The following AP4S1 variants were observed in gnomAD, a reference collection of about 807,000 sequenced individuals.
The protein encoded by AP4S1 is adaptor related protein complex 4 subunit sigma 1.
In AP4S1, 23 loss-of-function variants were observed where a neutral mutation model predicts 19.8. The observed-to-expected ratio is 1.16, with a 90% confidence interval of 0.84 to 1.65. The LOEUF is 1.65. Ranked by LOEUF, AP4S1 falls within the 40% of genes most tolerant of loss-of-function variation. The pLI is 0.00. For synonymous variants in AP4S1, 46 were observed against 54.1 expected, an observed-to-expected ratio of 0.85 and a Z score of 0.66; for missense variants, 166 against 172.8, an observed-to-expected ratio of 0.96 and a Z score of 0.22.
intron 2 of AP4S1, among the ~76,000 whole-genome samples, chr14:31,068,078 G>A (rs189079244): frequency 6.6e-4 from 101 of 152,020 alleles, no homozygotes; most frequent in Middle Eastern, 3.4e-3. Flanking sequence ...ATGTTGGTCA[G>A]GCTGGTCTTG....
chr14:31,057,393 AAG>A (rs1158398041), intron 1 of AP4S1, among the ~76,000 whole-genome samples: 2 of 152,198 alleles, frequency 1.3e-5, no homozygotes, highest in East Asian at 3.8e-4. Flanking sequence ...GTTGACACCC[AAG>A]TTGAAACCCA....
At chr14:31,042,161 C>G (rs1011172912) in intron 1 of AP4S1, among the ~76,000 whole-genome samples, 2 of 152,086 alleles carry the variant, frequency 1.3e-5, no homozygotes, top group South Asian at 2.1e-4. Flanking sequence ...AATAAATTAC[C>G]CTTGGCACTA....
rs762381475 is a variant in AP4S1 at position 31,093,081 on chromosome 14, AC to A, written c.*48del. On this transcript the variant is annotated 3_prime_UTR_variant, in exon 6 of 6. Coordinates refer to ENST00000542754, the MANE Select transcript of AP4S1 (RefSeq NM_001128126.3). ...ATATGGATTTATCAGAAATGCGAGT[AC>A]CGTGGAATACATCTCAACATGTTAA... 30 of 1,527,250 alleles carry A rather than the reference AC, an allele frequency of 2.0e-5. No individual in the cohort carries two copies. The Admixed American group carries it at 5.2e-4, about 26-fold the overall frequency. 94.6% of individuals were successfully genotyped at this position (1,527,250 alleles called of 1,614,324 possible). A position where few individuals can be genotyped will look rare whatever the true frequency, so the allele number is the denominator to read the frequency against.
At chr14:31,043,034 G>C (rs572547270) in intron 1 of AP4S1, among the ~76,000 whole-genome samples, 22 of 152,082 alleles carry the variant, frequency 1.4e-4, no homozygotes, top group Admixed American at 2.6e-4. Flanking sequence ...CAGCCTGGCC[G>C]ACATGGTGAA....
chr14:31,053,196 C>G (rs1885904522), intron 1 of AP4S1, among the ~76,000 whole-genome samples: 1 of 152,160 alleles, frequency 6.6e-6, no homozygotes, highest in South Asian at 2.1e-4. Context: ...CCACTTCAGC[C>G]TCCCAAAGTG....
intron 1 of AP4S1, among the ~76,000 whole-genome samples, chr14:31,029,053 C>A (rs1884226794): frequency 6.6e-6 from 1 of 152,178 alleles, no homozygotes; most frequent in Non-Finnish European, 1.5e-5. Flanking sequence ...AACAAAATCT[C>A]TACTTCTATT....
intron 2 of AP4S1, 102 bp downstream of exon 2, chr14:31,066,436 C>T: frequency 1.4e-6 from 2 of 1,425,870 alleles, no homozygotes; most frequent in Non-Finnish European, 2.0e-6. Context: ...AGCTATATTC[C>T]TTCAACAGCT....
At chr14:31,075,617 TTTGTGTGACTGGCTTCTTTCA>T (rs938021052) in intron 4 of AP4S1, among the ~76,000 whole-genome samples, 3 of 152,222 alleles carry the variant, frequency 2.0e-5, no homozygotes, top group African/African-American at 7.2e-5. Context: ...ACATGTGATT[TTTGTGTGACTGGCTTCTTTCA>T]TTGAGTGTAG....
At chr14:31,062,742 C>T (rs911325098) in intron 1 of AP4S1, among the ~76,000 whole-genome samples, 5 of 151,104 alleles carry the variant, frequency 3.3e-5, no homozygotes, top group Non-Finnish European at 5.9e-5. Flanking sequence ...CCAAGGTAGG[C>T]GGATCACGAG....
intron 2 of AP4S1, among the ~76,000 whole-genome samples, chr14:31,069,128 C>T (rs767248267): frequency 2.6e-5 from 4 of 152,158 alleles, no homozygotes; most frequent in East Asian, 1.9e-4. Context: ...TAACCTTGTG[C>T]TTCTGCCCAC....
At chr14:31,051,703 C>T (rs1176005910) in intron 1 of AP4S1, among the ~76,000 whole-genome samples, 1 of 152,200 alleles carries the variant, frequency 6.6e-6, no homozygotes, top group African/African-American at 2.4e-5. Flanking sequence ...CTGTGTCACA[C>T]AGGCTGGAGT....
intron 1 of AP4S1, among the ~76,000 whole-genome samples, chr14:31,040,462 C>CTTTGGT: frequency 1.3e-5 from 2 of 152,162 alleles, no homozygotes; most frequent in Middle Eastern, 6.8e-3. Flanking sequence ...TTCTAAATTC[C>CTTTGGT]TTTGGTTTGA....
intron 4 of AP4S1, among the ~76,000 whole-genome samples, chr14:31,079,195 TA>T (rs748586407): frequency 1.3e-5 from 2 of 152,222 alleles, no homozygotes; most frequent in African/African-American, 4.8e-5. Context: ...TATTTGAACT[TA>T]ATTCTCTTTG....
intron 1 of AP4S1, among the ~76,000 whole-genome samples, chr14:31,059,929 A>AT (rs1886325116): frequency 1.4e-5 from 2 of 148,062 alleles, no homozygotes; most frequent in East Asian, 1.9e-4. Context: ...GAGGACAAAA[A>AT]AATATATATA....
intron 1 of AP4S1, among the ~76,000 whole-genome samples, chr14:31,060,272 T>C (rs1430664427): frequency 1.3e-5 from 2 of 151,992 alleles, no homozygotes; most frequent in African/African-American, 4.8e-5. Flanking sequence ...GGGCTGATTT[T>C]TGTGTAGGTA....
At chr14:31,069,124 T>C (rs1886869104) in intron 2 of AP4S1, among the ~76,000 whole-genome samples, 1 of 152,090 alleles carries the variant, frequency 6.6e-6, no homozygotes, top group Admixed American at 6.6e-5. Context: ...AGAGTAACCT[T>C]GTGCTTCTGC....
At chr14:31,069,801 C>T in intron 2 of AP4S1, 42 bp from the exon 3 acceptor site, 1 of 1,460,550 alleles carries the variant, frequency 6.8e-7, no homozygotes, top group Non-Finnish European at 9.6e-7. Flanking sequence ...AAAGAACTCT[C>T]TCTCAGCCAC....
At chr14:31,038,821 T>G (rs905028991) in intron 1 of AP4S1, among the ~76,000 whole-genome samples, 5 of 152,216 alleles carry the variant, frequency 3.3e-5, no homozygotes, top group African/African-American at 1.2e-4. Flanking sequence ...GCACTTCCTA[T>G]TGTTATTATG....
At chr14:31,090,133 C>T (rs1888038237) in intron 5 of AP4S1, among the ~76,000 whole-genome samples, 2 of 152,008 alleles carry the variant, frequency 1.3e-5, no homozygotes, top group Admixed American at 6.6e-5. Context: ...GGATTACAGG[C>T]GTGTGCCACC....
Sources: allele counts gnomAD v4.1 joint callset (sites outside exome capture counted in the v4.1 genomes callset), GRCh38; gene constraint gnomAD v4.1.1; transcripts MANE v1.5; gene names NCBI Gene and HGNC (gene_info 2026-07-23, HGNC 2026-07-21).